TBC1D22A: variants seen among roughly 807,000 people sequenced by gnomAD.
TBC1D22A encodes the protein TBC1 domain family member 22A, also known as putative GTPase activator.
Under a neutral mutation model 60.2 loss-of-function variants are expected in TBC1D22A, and 38 were observed. The ratio of observed to expected loss-of-function variants is 0.63; its 90% CI spans 0.49 to 0.83. The LOEUF (loss-of-function observed/expected upper bound fraction) is 0.83, where lower values mean the gene tolerates loss of function less well. Ranked by LOEUF, TBC1D22A falls within the 40% of genes least tolerant of loss-of-function variation. The probability of loss-of-function intolerance (pLI) is 0.00; values close to 1 mark genes in which losing one functional copy is unlikely to be tolerated. For missense variants in TBC1D22A, 628 were observed against 701.0 expected, an observed-to-expected ratio of 0.90 and a Z score of 1.18; for synonymous variants, 302 against 281.7, an observed-to-expected ratio of 1.07 and a Z score of -0.72.
chr22:47,055,785 G>T (rs954006842), intron 11 of TBC1D22A, among the ~76,000 whole-genome samples: 2 of 152,042 alleles, frequency 1.3e-5, no homozygotes, highest in African/African-American at 4.8e-5. Flanking sequence ...TGGGAGCTGG[G>T]ATGAGTAGGG....
At position 46,828,044 on chromosome 22, in the gene TBC1D22A, C is replaced by T. The variant is rs377366129; in HGVS notation, c.637+30424C>T. On this transcript the variant is annotated intron_variant, in intron 4 of 12. Transcript: ENST00000337137. ...CTGCAGATTATTCCCAGGACTTTCA[C>T]GCCCCAGGGACTTCCGTGTGCCATT... Among the ~76,000 whole-genome samples the T allele has an allele frequency of 3.6e-4, 55 of 152,278 alleles. 1 individual carries two copies. The South Asian group carries it at 0.01, about 29-fold the overall frequency.
intron 8 of TBC1D22A, chr22:46,913,266 C>G (rs2070088445): frequency 8.3e-7 from 1 of 1,204,526 alleles, no homozygotes. Flanking sequence ...TAATTTAAAC[C>G]TGGTTTTGTC....
chr22:47,005,025 A>G (rs1375201678), intron 10 of TBC1D22A, among the ~76,000 whole-genome samples: 2 of 151,616 alleles, frequency 1.3e-5, no homozygotes, highest in Non-Finnish European at 2.9e-5. Flanking sequence ...CCCTATACAT[A>G]TAGACAGGCC....
chr22:47,015,100 G>T (rs1348263701), intron 10 of TBC1D22A, among the ~76,000 whole-genome samples: 1 of 152,238 alleles, frequency 6.6e-6, no homozygotes, highest in East Asian at 1.9e-4. Flanking sequence ...GGACAAACTG[G>T]ACGCAGCAGG....
At chr22:47,136,660 C>T (rs1400257801) in intron 12 of TBC1D22A, among the ~76,000 whole-genome samples, 1 of 150,948 alleles carries the variant, frequency 6.6e-6, no homozygotes, top group Non-Finnish European at 1.5e-5. Context: ...CTTGAGCCCC[C>T]TCGTCCCTAG....
chr22:46,848,225 G>A (rs2087108993), intron 4 of TBC1D22A, among the ~76,000 whole-genome samples: 1 of 152,226 alleles, frequency 6.6e-6, no homozygotes, highest in East Asian at 1.9e-4. Context: ...TATCGCGGAG[G>A]CGGTGTCAGA....
intron 4 of TBC1D22A, among the ~76,000 whole-genome samples, chr22:46,805,323 A>G (rs74602111): frequency 1.1e-3 from 174 of 152,358 alleles, no homozygotes; most frequent in African/African-American, 4.0e-3. Flanking sequence ...GGTGCCTTGT[A>G]TCTGGGGCCT....
rs1183943942 is a variant in TBC1D22A, at chr22:46,777,512, T to C, written c.62+14664T>C. 6.6e-6 allele frequency among the ~76,000 whole-genome samples: 1 copy of C among 152,034 alleles called. No individual in the cohort carries two copies. Among genetic ancestry groups the C allele is most frequent in the Non-Finnish European group, 1.5e-5 (1 of 68,020 alleles). ...AGGCACGTGTTTGAGAACCGTTTAC[T>C]CGGGTGGAGGAGGTCAGGAGAGAGC... On this transcript the variant is annotated intron_variant, in intron 1 of 12. Transcript: ENST00000337137. The surrounding 1 kb of genome is among the most constrained non-coding windows in gnomAD (Gnocchi z 4.5).
chr22:46,784,386 AT>A (rs1569026932), intron 1 of TBC1D22A, among the ~76,000 whole-genome samples: 1 of 152,182 alleles, frequency 6.6e-6, no homozygotes, highest in Non-Finnish European at 1.5e-5. Flanking sequence ...TTAAAGACAG[AT>A]TTCATTATCT....
chr22:46,846,808 C>CTTTTCT (rs370791749), intron 4 of TBC1D22A, among the ~76,000 whole-genome samples: 16 of 152,280 alleles, frequency 1.1e-4, no homozygotes, highest in East Asian at 9.7e-4. Flanking sequence ...CTGTCCCATT[C>CTTTTCT]TTTTCTTTTT....
chr22:46,800,781 T>G (rs1438183169), intron 4 of TBC1D22A, among the ~76,000 whole-genome samples: 1 of 152,258 alleles, frequency 6.6e-6, no homozygotes, highest in Non-Finnish European at 1.5e-5. Flanking sequence ...ATCTTCTCAC[T>G]TGATTTTTGT....
At chr22:46,924,207 T>C (rs2070916258) in intron 8 of TBC1D22A, among the ~76,000 whole-genome samples, 1 of 152,246 alleles carries the variant, frequency 6.6e-6, no homozygotes, top group Non-Finnish European at 1.5e-5. Context: ...TTTGGACTGA[T>C]AGCTCGGAGT....
intron 7 of TBC1D22A, among the ~76,000 whole-genome samples, chr22:46,897,635 GTTTTGTTTTTTTTTGTGTTT>G (rs1370102498): frequency 1.0e-4 from 13 of 125,548 alleles, no homozygotes; most frequent in African/African-American, 3.9e-4. Flanking sequence ...GTTTTGTTTC[GTTTTGTTTTTTTTTGTGTTT>G]TTTTTTTTTT....
At chr22:47,168,666 G>C (rs1369702325) in intron 12 of TBC1D22A, among the ~76,000 whole-genome samples, 1 of 152,104 alleles carries the variant, frequency 6.6e-6, no homozygotes, top group Admixed American at 6.5e-5. Flanking sequence ...AAGGAACCCA[G>C]GGTCTGCAGT....
At chr22:47,050,194 G>T (rs1383699127) in intron 11 of TBC1D22A, among the ~76,000 whole-genome samples, 1 of 152,094 alleles carries the variant, frequency 6.6e-6, no homozygotes, top group Non-Finnish European at 1.5e-5. Context: ...TAGTAGAGAC[G>T]GGGTTTCACC....
In TBC1D22A at chr22:46,832,635, A is replaced by C. The variant is rs543969226; in HGVS notation, c.637+35015A>C. On this transcript the variant is annotated intron_variant, in intron 4 of 12. Coordinates refer to ENST00000337137, the MANE Select transcript of TBC1D22A (RefSeq NM_014346.5). ...CACTCCAGCCTGGGCAACAAGAGCG[A>C]AACTCTGTCTCAAAAAAGAAAAATA... 1.3e-3 allele frequency among the ~76,000 whole-genome samples: 199 copies of C among 152,372 alleles called. 1 individual carries two copies. Among genetic ancestry groups the C allele is most frequent in the African/African-American group, 4.7e-3 (195 of 41,588 alleles).
intron 9 of TBC1D22A, among the ~76,000 whole-genome samples, chr22:46,976,866 C>A (rs2074318861): frequency 6.6e-6 from 1 of 152,198 alleles, no homozygotes; most frequent in East Asian, 1.9e-4. Context: ...TTTATTGGAG[C>A]CGCTGAGCCA....
At chr22:46,767,033 C>G (rs2083313528) in intron 1 of TBC1D22A, among the ~76,000 whole-genome samples, 1 of 152,196 alleles carries the variant, frequency 6.6e-6, no homozygotes, top group African/African-American at 2.4e-5. Context: ...GAACTATCTC[C>G]TCGATTAGCC....
chr22:47,049,629 A>C (rs1268560687), intron 11 of TBC1D22A, among the ~76,000 whole-genome samples: 1 of 152,198 alleles, frequency 6.6e-6, no homozygotes, highest in Non-Finnish European at 1.5e-5. Flanking sequence ...CTTTTCTACG[A>C]GTTTTTTTGT....
Sources: gnomAD v4.1 joint callset for allele counts (sites outside exome capture counted in the v4.1 genomes callset) on GRCh38, gnomAD v4.1.1 for gene constraint, Gnocchi (gnomAD v3.1) non-coding constraint, MANE v1.5 for transcripts, NCBI Gene and HGNC (gene_info 2026-07-23, HGNC 2026-07-21) for gene names.